The following PRR16 variants were observed in gnomAD, a reference collection of about 807,000 sequenced individuals.
The protein encoded by PRR16 is proline rich 16, also known as protein Largen.
Under a neutral mutation model 18.2 loss-of-function variants are expected in PRR16, and 6 were observed. The ratio of observed to expected loss-of-function variants is 0.33; its 90% CI spans 0.18 to 0.65. The LOEUF is 0.65. PRR16 is among the 30% of genes least tolerant of loss of function. The probability of loss-of-function intolerance (pLI) is 0.74; values close to 1 mark genes in which losing one functional copy is unlikely to be tolerated. For synonymous variants in PRR16, 151 were observed against 147.8 expected, an observed-to-expected ratio of 1.02 and a Z score of -0.16; for missense variants, 412 against 376.6, an observed-to-expected ratio of 1.09 and a Z score of -0.78.
chr5:120,529,660 T>A (rs1751480809), intron 1 of PRR16, among the ~76,000 whole-genome samples: 1 of 151,908 alleles, frequency 6.6e-6, no homozygotes, highest in Non-Finnish European at 1.5e-5. Context: ...AGGGGTGAAA[T>A]AGGACAGGGA....
chr5:120,487,027 C>A (rs36032103), intron 1 of PRR16, among the ~76,000 whole-genome samples: 91,612 of 138,884 alleles, frequency 0.66, 29,579 homozygotes, highest in East Asian at 0.91. Flanking sequence ...GGTACCAGTA[C>A]CATGCTGTTT....
At chr5:120,615,836 C>G (rs1357168452) in intron 1 of PRR16, among the ~76,000 whole-genome samples, 1 of 152,016 alleles carries the variant, frequency 6.6e-6, no homozygotes, top group East Asian at 1.9e-4. Context: ...TTGTCACGTT[C>G]CCAGTAACCA....
chr5:120,700,111 T>C, the PRR16 span, among the ~76,000 whole-genome samples: 1 of 151,994 alleles, frequency 6.6e-6, no homozygotes, highest in Non-Finnish European at 1.5e-5. Context: ...AGGCAGGTAT[T>C]GAGGATAGGA....
At chr5:120,779,837 G>C in the PRR16 span, among the ~76,000 whole-genome samples, 1 of 152,112 alleles carries the variant, frequency 6.6e-6, no homozygotes, top group South Asian at 2.1e-4. Context: ...ATTGGACTCA[G>C]GGTGTATGAC....
chr5:120,686,822 C>T lies in PRR16; in HGVS notation c.*113C>T. ...AGCCCAAATATATTAATCCTGCATT[C>T]AGCAAAGTGGCATAAAAATCACCTG... is the stretch of plus-strand genomic sequence containing the variant. On this transcript the variant is annotated 3_prime_UTR_variant, in exon 2 of 2. Transcript: ENST00000407149. 1.1e-6 allele frequency: 1 copy of T among 879,394 alleles called. No individual in the cohort carries two copies. Among genetic ancestry groups the T allele is most frequent in the Non-Finnish European group, 1.6e-6 (1 of 638,282 alleles). The allele number at this position is 879,394 out of a possible 1,614,324, so 54.5% of individuals were successfully genotyped here. A position where few individuals can be genotyped will look rare whatever the true frequency, so the allele number is the denominator to read the frequency against.
At chr5:120,739,430 T>G in the PRR16 span, among the ~76,000 whole-genome samples, 1 of 152,152 alleles carries the variant, frequency 6.6e-6, no homozygotes, top group Non-Finnish European at 1.5e-5. Flanking sequence ...GGGTTACTTT[T>G]CTTTGTCTAA....
intron 1 of PRR16, among the ~76,000 whole-genome samples, chr5:120,606,464 C>A (rs1368314999): frequency 6.6e-6 from 1 of 151,828 alleles, no homozygotes; most frequent in Non-Finnish European, 1.5e-5. Context: ...AAATATATTT[C>A]TTTGAAAATG....
chr5:120,706,741 AT>A, the PRR16 span, among the ~76,000 whole-genome samples: 8 of 152,342 alleles, frequency 5.3e-5, no homozygotes, highest in African/African-American at 1.9e-4. Flanking sequence ...GACAAGAAAG[AT>A]TTTATTCAAA....
intron 1 of PRR16, among the ~76,000 whole-genome samples, chr5:120,567,761 A>C (rs965755686): frequency 6.6e-5 from 10 of 152,082 alleles, no homozygotes; most frequent in Admixed American, 6.6e-4. Flanking sequence ...CCATAAGTGT[A>C]AGTTTCTTCA....
At chr5:120,713,281 ACT>A in the PRR16 span, among the ~76,000 whole-genome samples, 1 of 152,080 alleles carries the variant, frequency 6.6e-6, no homozygotes, top group Non-Finnish European at 1.5e-5. Context: ...CTATTTTCAG[ACT>A]CTTGTAACCT....
At chr5:120,566,990 G>A (rs1008779577) in intron 1 of PRR16, among the ~76,000 whole-genome samples, 10 of 151,786 alleles carry the variant, frequency 6.6e-5, no homozygotes, top group Non-Finnish European at 1.5e-4. Flanking sequence ...TGTTCCTAAG[G>A]CATACCCAGT....
At chr5:120,646,282 T>G (rs1031291793) in intron 1 of PRR16, among the ~76,000 whole-genome samples, 12 of 151,816 alleles carry the variant, frequency 7.9e-5, no homozygotes, top group African/African-American at 2.9e-4. Flanking sequence ...TTATTTATTT[T>G]CTGTTGTGAC....
At chr5:120,657,340 C>T (rs1756016830) in intron 1 of PRR16, among the ~76,000 whole-genome samples, 1 of 151,882 alleles carries the variant, frequency 6.6e-6, no homozygotes, top group Admixed American at 6.6e-5. Flanking sequence ...GACTCTTGTG[C>T]AGTGGTGTGC....
intron 1 of PRR16, among the ~76,000 whole-genome samples, chr5:120,564,020 C>G (rs1438360270): frequency 1.3e-5 from 2 of 152,148 alleles, no homozygotes; most frequent in Admixed American, 1.3e-4. Flanking sequence ...TCCCTTTTGG[C>G]CCAGGGTGTG....
At chr5:120,503,749 A>G (rs1465225339) in intron 1 of PRR16, among the ~76,000 whole-genome samples, 1 of 150,982 alleles carries the variant, frequency 6.6e-6, no homozygotes, top group Non-Finnish European at 1.5e-5. Flanking sequence ...TTAACTCGTC[A>G]TTTAGCATTA....
chr5:120,522,177 G>T (rs999733039), intron 1 of PRR16, among the ~76,000 whole-genome samples: 2 of 152,114 alleles, frequency 1.3e-5, no homozygotes, highest in Non-Finnish European at 2.9e-5. Flanking sequence ...AATCCTTTGG[G>T]TATATACCCA....
chr5:120,678,066 C>CGCCTGGCGG (rs1756861904), intron 1 of PRR16, among the ~76,000 whole-genome samples: 1 of 151,914 alleles, frequency 6.6e-6, no homozygotes, highest in African/African-American at 2.4e-5. Flanking sequence ...CCGGCCACCA[C>CGCCTGGCGG]GCCTGGCTAA....
At chr5:120,487,925 T>G (rs1031967967) in intron 1 of PRR16, among the ~76,000 whole-genome samples, 1 of 152,054 alleles carries the variant, frequency 6.6e-6, no homozygotes, top group Non-Finnish European at 1.5e-5. Context: ...TTTGTCTTTG[T>G]TTCTGTTTAT....
chr5:120,505,946 G>GTGTATA (rs1554079110), intron 1 of PRR16, among the ~76,000 whole-genome samples: 182 of 141,314 alleles, frequency 1.3e-3, no homozygotes, highest in Non-Finnish European at 2.0e-3. Flanking sequence ...GTGTGTGTGT[G>GTGTATA]TATATATATA....
Sources: gnomAD v4.1 joint callset for allele counts (sites outside exome capture counted in the v4.1 genomes callset) on GRCh38, gnomAD v4.1.1 for gene constraint, MANE v1.5 for transcripts, NCBI Gene and HGNC (gene_info 2026-07-23, HGNC 2026-07-21) for gene names.